Variants in BCL2 observed in about 807,000 individuals in gnomAD.
The protein encoded by BCL2 is apoptosis regulator Bcl-2.
BCL2 carries 1 observed loss-of-function variant against 14.2 expected under a neutral mutation model. That is an observed-to-expected ratio of 0.07 (90% CI 0.02 to 0.33). The LOEUF is 0.33. Ranked by LOEUF, BCL2 falls within the 10% of genes least tolerant of loss-of-function variation. The pLI is 0.99. For missense variants in BCL2, 247 were observed against 305.9 expected, an observed-to-expected ratio of 0.81 and a Z score of 1.44; for synonymous variants, 151 against 137.2, an observed-to-expected ratio of 1.10 and a Z score of -0.70.
intron 2 of BCL2, among the ~76,000 whole-genome samples, chr18:63,143,594 C>A (rs894036692): frequency 6.6e-6 from 1 of 152,264 alleles, no homozygotes; most frequent in Non-Finnish European, 1.5e-5. Flanking sequence ...GCCTGGGGGA[C>A]CCTGCCTGCA....
chr18:63,184,878 A>G (rs1915556917), intron 2 of BCL2, among the ~76,000 whole-genome samples: 1 of 152,204 alleles, frequency 6.6e-6, no homozygotes, highest in South Asian at 2.1e-4. Flanking sequence ...TGTAGACTGT[A>G]GACTCAGAAA....
chr18:63,251,964 G>T (rs1911332705), intron 2 of BCL2, among the ~76,000 whole-genome samples: 1 of 152,084 alleles, frequency 6.6e-6, no homozygotes, highest in Non-Finnish European at 1.5e-5. Context: ...CTCCCAAAGT[G>T]CTGGGATTAC....
chr18:63,288,086 TTC>T (rs779327274), intron 2 of BCL2, among the ~76,000 whole-genome samples: 3 of 152,242 alleles, frequency 2.0e-5, no homozygotes, highest in Non-Finnish European at 4.4e-5. Flanking sequence ...TCACCAAGAT[TTC>T]TTTTTTTAGT....
At chr18:63,227,901 G>A (rs1303212302) in intron 2 of BCL2, among the ~76,000 whole-genome samples, 1 of 152,234 alleles carries the variant, frequency 6.6e-6, no homozygotes, top group Non-Finnish European at 1.5e-5. Context: ...AGCTTGGGCT[G>A]TCATACCAAA....
At chr18:63,285,508 C>T (rs114220999) in intron 2 of BCL2, among the ~76,000 whole-genome samples, 121 of 152,316 alleles carry the variant, frequency 7.9e-4, no homozygotes, top group African/African-American at 2.5e-3. Context: ...GCAAACTGCA[C>T]CCTCCCCACA....
At chr18:63,214,723 A>AT (rs1344423216) in intron 2 of BCL2, among the ~76,000 whole-genome samples, 3 of 150,930 alleles carry the variant, frequency 2.0e-5, no homozygotes, top group Admixed American at 6.6e-5. Flanking sequence ...TTATTTATCT[A>AT]TTTTTGAGAC....
At position 63,262,304 on chromosome 18, in the gene BCL2, C is replaced by T. The variant is rs114827244; in HGVS notation, c.585+55778G>A. Reference sequence around the variant, plus strand: ...AGGAAAATCATCAGAAGAGCTTTGACGTAAAGAGTATTTGTTACCCATCAG... The same window carrying T: ...AGGAAAATCATCAGAAGAGCTTTGATGTAAAGAGTATTTGTTACCCATCAG... On this transcript the variant is annotated intron_variant, in intron 2 of 2. Coordinates refer to ENST00000333681, the MANE Select transcript of BCL2 (RefSeq NM_000633.3). 1.6e-3 allele frequency among the ~76,000 whole-genome samples: 245 copies of T among 152,260 alleles called. 1 individual carries two copies. The highest frequency in any genetic ancestry group is 5.4e-3 in the African/African-American group (226 of 41,542).
intron 2 of BCL2, among the ~76,000 whole-genome samples, chr18:63,181,197 AG>A (rs1915473927): frequency 6.6e-6 from 1 of 152,170 alleles, no homozygotes; most frequent in Non-Finnish European, 1.5e-5. Context: ...CCAGTTTTAG[AG>A]TTCATCTCAG....
At chr18:63,221,833 T>G (rs1910398847) in intron 2 of BCL2, among the ~76,000 whole-genome samples, 1 of 152,190 alleles carries the variant, frequency 6.6e-6, no homozygotes, top group Non-Finnish European at 1.5e-5. Flanking sequence ...AGATCGGAAT[T>G]TATACTACCT....
chr18:63,276,787 A>T (rs1219144560), intron 2 of BCL2, among the ~76,000 whole-genome samples: 1 of 152,224 alleles, frequency 6.6e-6, no homozygotes, highest in African/African-American at 2.4e-5. Context: ...ACATATGACC[A>T]CACCATTATG....
At chr18:63,278,701 T>C (rs180806603) in intron 2 of BCL2, among the ~76,000 whole-genome samples, 236 of 152,308 alleles carry the variant, frequency 1.5e-3, no homozygotes, top group African/African-American at 5.5e-3. Flanking sequence ...CAGCAGTCCC[T>C]CTACCTATCA....
At chr18:63,246,619 G>C (rs978123903) in intron 2 of BCL2, among the ~76,000 whole-genome samples, 9 of 152,106 alleles carry the variant, frequency 5.9e-5, no homozygotes, top group African/African-American at 1.9e-4. Flanking sequence ...TGTGGGAATT[G>C]TGGGAGCTAC....
chr18:63,179,822 G>A (rs1915442661), intron 2 of BCL2, among the ~76,000 whole-genome samples: 2 of 152,224 alleles, frequency 1.3e-5, no homozygotes, highest in Non-Finnish European at 2.9e-5. Context: ...ACGATGAAAT[G>A]AGTTGCCAGG....
At chr18:63,317,818 A>G (rs1913543322) in intron 2 of BCL2, 1 of 1,361,172 alleles carries the variant, frequency 7.3e-7, no homozygotes, top group Admixed American at 3.3e-5. Flanking sequence ...TTACCACCAC[A>G]TCCTACTGGA....
At position 63,124,466 on chromosome 18, in the gene BCL2, T is replaced by A; in HGVS notation, c.*4159A>T. The A allele has an allele frequency of 4.3e-6, 1 of 231,766 alleles. No individual in the cohort carries two copies. The highest frequency in any genetic ancestry group is 6.1e-5 in the East Asian group (1 of 16,528). The allele number at this position is 231,766 out of a possible 1,614,324, so 14.4% of individuals were successfully genotyped here. A position where few individuals can be genotyped will look rare whatever the true frequency, so the allele number is the denominator to read the frequency against. ...CAAACTTCAAAATGTTTCTCATTTGTCACACAAGGTTCTTCGCAGAGGCAT... is the reference window on the plus strand; with the variant it reads ...CAAACTTCAAAATGTTTCTCATTTGACACACAAGGTTCTTCGCAGAGGCAT... On this transcript the variant is annotated 3_prime_UTR_variant, in exon 3 of 3. Coordinates refer to ENST00000333681, the MANE Select transcript of BCL2 (RefSeq NM_000633.3).
chr18:63,317,589 G>C, intron 2 of BCL2: 10 of 992,486 alleles, frequency 1.0e-5, no homozygotes, highest in Non-Finnish European at 1.2e-5. Flanking sequence ...CTTCTGTGGA[G>C]TCTATTCTTC....
intron 2 of BCL2, among the ~76,000 whole-genome samples, chr18:63,309,030 C>T (rs989800541): frequency 6.6e-6 from 1 of 152,084 alleles, no homozygotes; most frequent in African/African-American, 2.4e-5. Flanking sequence ...ATATTTGGAA[C>T]AATACTAATT....
chr18:63,125,338 G>A lies in BCL2; in HGVS notation c.*3287C>T. ...AATCTTAAGCCTGCCAGAGTTTTCT[G>A]CCCCTGCCAAATCTTCGGAGACGAC... On this transcript the variant is annotated 3_prime_UTR_variant, in exon 3 of 3. Coordinates refer to ENST00000333681, the MANE Select transcript of BCL2 (RefSeq NM_000633.3). The A allele has an allele frequency of 4.4e-6, 1 of 225,996 alleles. No individual in the cohort carries two copies. Among genetic ancestry groups the A allele is most frequent in the East Asian group, 6.3e-5 (1 of 15,926 alleles). 14.0% of individuals were successfully genotyped at this position (225,996 alleles called of 1,614,324 possible). A position where few individuals can be genotyped will look rare whatever the true frequency, so the allele number is the denominator to read the frequency against.
At chr18:63,132,491 T>C (rs925217441) in intron 2 of BCL2, among the ~76,000 whole-genome samples, 1 of 152,220 alleles carries the variant, frequency 6.6e-6, no homozygotes, top group Admixed American at 6.5e-5. Flanking sequence ...TGAATTAAAA[T>C]GTATACATCC....
Sources: gnomAD v4.1 joint callset for allele counts (sites outside exome capture counted in the v4.1 genomes callset) on GRCh38, gnomAD v4.1.1 for gene constraint, MANE v1.5 for transcripts, NCBI Gene and HGNC (gene_info 2026-07-23, HGNC 2026-07-21) for gene names.